Variants in NTRK3 observed in about 807,000 individuals in gnomAD.
NTRK3 encodes the protein NT-3 growth factor receptor.
Under a neutral mutation model 91.7 loss-of-function variants are expected in NTRK3, and 24 were observed. The observed-to-expected ratio is 0.26, with a 90% CI of 0.19 to 0.37. NTRK3 has a LOEUF of 0.37. Among genes scored for constraint, NTRK3 ranks in the 10% least tolerant of loss-of-function variants. The pLI, the probability that NTRK3 is intolerant of heterozygous loss-of-function variation, is 1.00. For synonymous variants in NTRK3, 483 were observed against 404.0 expected (o/e 1.20, Z -2.34); for missense variants, 880 against 1,068.9 (o/e 0.82, Z 2.46).
intron 6 of NTRK3, among the ~76,000 whole-genome samples, chr15:88,140,881 G>A (rs544320888): frequency 6.7e-4 from 102 of 152,238 alleles, no homozygotes; most frequent in Non-Finnish European, 9.8e-4. Context: ...TGGAGAGAGG[G>A]AAGAGAAGAT....
chr15:87,984,594 C>G (rs2074576387), intron 14 of NTRK3, among the ~76,000 whole-genome samples: 1 of 152,228 alleles, frequency 6.6e-6, no homozygotes, highest in Non-Finnish European at 1.5e-5. Context: ...TTTTATTACT[C>G]TGAGATTGCA....
At chr15:87,864,012 C>CACAA (rs2064597224) in exon 19 of NTRK3, 1 of 232,838 alleles carries the variant, frequency 4.3e-6, no homozygotes, top group Non-Finnish European at 8.5e-6. Flanking sequence ...CACACACACA[C>CACAA]ACACACACAG....
At chr15:87,993,188 G>A (rs1596568883) in intron 14 of NTRK3, among the ~76,000 whole-genome samples, 1 of 152,130 alleles carries the variant, frequency 6.6e-6, no homozygotes, top group Non-Finnish European at 1.5e-5. Context: ...AACTTCCCTT[G>A]GAGTCATGGC....
At chr15:87,925,870 A>G (rs1330310782) in intron 17 of NTRK3, among the ~76,000 whole-genome samples, 1 of 152,212 alleles carries the variant, frequency 6.6e-6, no homozygotes, top group African/African-American at 2.4e-5. Flanking sequence ...GGAATTGCAT[A>G]TGGAAATAAA....
chr15:87,998,176 T>C (rs1259673122), intron 14 of NTRK3, among the ~76,000 whole-genome samples: 1 of 152,144 alleles, frequency 6.6e-6, no homozygotes, highest in Non-Finnish European at 1.5e-5. Flanking sequence ...TCTCTAGACA[T>C]TGTCAAAAAT....
chr15:88,210,373 A>C (rs1278300982), intron 3 of NTRK3, among the ~76,000 whole-genome samples: 1 of 152,232 alleles, frequency 6.6e-6, no homozygotes, highest in African/African-American at 2.4e-5. Context: ...TGAAGATGGA[A>C]GAAATTCTTA....
chr15:88,102,364 G>T (rs1165770457), intron 13 of NTRK3, among the ~76,000 whole-genome samples: 1 of 152,048 alleles, frequency 6.6e-6, no homozygotes. Flanking sequence ...ACCTGGAAAG[G>T]ACAAAAGAAA....
intron 14 of NTRK3, among the ~76,000 whole-genome samples, chr15:88,023,989 A>C (rs1359351901): frequency 3.3e-5 from 5 of 152,166 alleles, no homozygotes; most frequent in African/African-American, 1.2e-4. Context: ...AACACCCATC[A>C]TTACCCTACG....
chr15:88,146,727 C>T (rs893128198), intron 6 of NTRK3, among the ~76,000 whole-genome samples: 28 of 152,100 alleles, frequency 1.8e-4, no homozygotes, highest in African/African-American at 6.3e-4. Context: ...AAATATATGG[C>T]CTCCCCAAAC....
At chr15:87,922,262 A>G (rs544335532) in intron 17 of NTRK3, among the ~76,000 whole-genome samples, 1 of 152,340 alleles carries the variant, frequency 6.6e-6, no homozygotes, top group South Asian at 2.1e-4. Context: ...CTCACTGGTC[A>G]AAAAGACTTA....
chr15:88,015,114 G>T (rs1227182076), intron 14 of NTRK3, among the ~76,000 whole-genome samples: 2 of 152,128 alleles, frequency 1.3e-5, no homozygotes, highest in African/African-American at 4.8e-5. Flanking sequence ...CTCTATGTCT[G>T]CCTGGAACTG....
At chr15:87,870,272 T>C (rs750275610) in exon 19 of NTRK3, 21 of 187,860 alleles carry the variant, frequency 1.1e-4, no homozygotes, top group South Asian at 1.9e-4. Context: ...AATGAATTAA[T>C]GGCATTCGAA....
exon 19 of NTRK3, chr15:87,864,944 C>T (rs888611349): frequency 1.1e-4 from 23 of 216,328 alleles, no homozygotes; most frequent in Admixed American, 2.9e-4. Flanking sequence ...ACTCTCATTT[C>T]GAAAGCTGGG....
At chr15:88,116,066 G>A (rs1013858357) in intron 13 of NTRK3, among the ~76,000 whole-genome samples, 9 of 152,194 alleles carry the variant, frequency 5.9e-5, no homozygotes, top group Admixed American at 5.2e-4. Flanking sequence ...CCCACTGCCT[G>A]CTAGCCTCTC....
intron 13 of NTRK3, among the ~76,000 whole-genome samples, chr15:88,103,294 T>C (rs1308561801): frequency 6.6e-6 from 1 of 152,124 alleles, no homozygotes; most frequent in Non-Finnish European, 1.5e-5. Flanking sequence ...GAACAAAAAC[T>C]GAGGCATCCC....
chr15:88,063,716 C>A (rs925457699), intron 13 of NTRK3, among the ~76,000 whole-genome samples: 3 of 152,166 alleles, frequency 2.0e-5, no homozygotes, highest in Non-Finnish European at 2.9e-5. Flanking sequence ...TGCCTGGCAC[C>A]GTTTCCATCT....
At chr15:88,052,301 A>C (rs989380986) in intron 13 of NTRK3, among the ~76,000 whole-genome samples, 1 of 152,222 alleles carries the variant, frequency 6.6e-6, no homozygotes, top group African/African-American at 2.4e-5. Flanking sequence ...CATGGCTGCC[A>C]TTTCTTAATT....
chr15:88,203,297 C>A (rs1373759338), intron 3 of NTRK3, among the ~76,000 whole-genome samples: 1 of 152,168 alleles, frequency 6.6e-6, no homozygotes, highest in Admixed American at 6.5e-5. Flanking sequence ...AACTAAGACA[C>A]CTTTTTGTCT....
intron 13 of NTRK3, among the ~76,000 whole-genome samples, chr15:88,103,244 T>C (rs1481920060): frequency 6.6e-6 from 1 of 152,108 alleles, no homozygotes; most frequent in Non-Finnish European, 1.5e-5. Context: ...ATTACCTTGA[T>C]AATATAAATG....
Sources: allele counts gnomAD v4.1 joint callset (sites outside exome capture counted in the v4.1 genomes callset), GRCh38; gene constraint gnomAD v4.1.1; transcripts MANE v1.5; gene names NCBI Gene and HGNC (gene_info 2026-07-23, HGNC 2026-07-21).